RBFOX1: variants seen among roughly 807,000 people sequenced by gnomAD.
RBFOX1 encodes RNA binding protein fox-1 homolog 1.
A neutral mutation model predicts 57.7 loss-of-function variants in RBFOX1; 8 were observed. The ratio of observed to expected loss-of-function variants is 0.14; its 90% confidence interval spans 0.08 to 0.25. The LOEUF is 0.25. Ranked by LOEUF, RBFOX1 falls within the 10% of genes least tolerant of loss-of-function variation. RBFOX1 has a pLI of 1.00. For missense variants in RBFOX1, 611 were observed against 548.5 expected (o/e 1.11, Z -1.14); for synonymous variants, 326 against 222.4 (o/e 1.47, Z -4.15).
chr16:5,506,327 A>C (rs1344504818), intron 2 of RBFOX1, among the ~76,000 whole-genome samples: 1 of 152,174 alleles, frequency 6.6e-6, no homozygotes, highest in East Asian at 1.9e-4. Context: ...TAAGTCGCGG[A>C]TAGCTCCTCA....
At chr16:6,671,568 G>A (rs538727606) in intron 3 of RBFOX1, among the ~76,000 whole-genome samples, 1 of 152,278 alleles carries the variant, frequency 6.6e-6, no homozygotes, top group Admixed American at 6.5e-5. Context: ...CTGCATCTCA[G>A]ATTCCTCTTC....
chr16:5,484,864 C>G (rs1017505380), intron 2 of RBFOX1, among the ~76,000 whole-genome samples: 2 of 151,314 alleles, frequency 1.3e-5, no homozygotes, highest in African/African-American at 4.9e-5. Flanking sequence ...TCACTGCACT[C>G]CAGCCTGGGT....
intron 4 of RBFOX1, among the ~76,000 whole-genome samples, chr16:5,973,908 A>G (rs1445172875): frequency 1.3e-5 from 2 of 152,208 alleles, no homozygotes; most frequent in African/African-American, 4.8e-5. Flanking sequence ...CAGAAAATGC[A>G]TATTGAATGG....
chr16:5,861,786 T>C (rs1483052931), intron 3 of RBFOX1, among the ~76,000 whole-genome samples: 2 of 152,172 alleles, frequency 1.3e-5, no homozygotes, highest in Admixed American at 1.3e-4. Flanking sequence ...CAAAGGATGT[T>C]GTTGCCCTTT....
intron 11 of RBFOX1, among the ~76,000 whole-genome samples, chr16:7,632,169 A>T (rs1294029773): frequency 1.3e-5 from 2 of 152,194 alleles, no homozygotes; most frequent in Non-Finnish European, 1.5e-5. Flanking sequence ...TCAGCCTCCC[A>T]AAGTACTGGA....
intron 2 of RBFOX1, among the ~76,000 whole-genome samples, chr16:5,583,876 C>A (rs2046751686): frequency 6.6e-6 from 1 of 152,186 alleles, no homozygotes; most frequent in African/African-American, 2.4e-5. Context: ...GTCTAGAGCC[C>A]ATGGCCTGAA....
At chr16:6,477,011 G>A (rs1022074622) in intron 2 of RBFOX1, among the ~76,000 whole-genome samples, 3 of 152,062 alleles carry the variant, frequency 2.0e-5, no homozygotes, top group African/African-American at 7.2e-5. Flanking sequence ...GTTTTATCAC[G>A]AGATTGCAGC....
At chr16:7,126,196 C>G (rs986662238) in intron 4 of RBFOX1, 2 of 160,982 alleles carry the variant, frequency 1.2e-5, no homozygotes, top group African/African-American at 4.8e-5. Context: ...CCCACCCTGT[C>G]TGGCACAGAT....
At chr16:7,567,151 C>G (rs1188825365) in intron 5 of RBFOX1, among the ~76,000 whole-genome samples, 1 of 61,146 alleles carries the variant, frequency 1.6e-5, no homozygotes, top group African/African-American at 4.5e-5. Context: ...ATATATATCC[C>G]TATATATATA....
chr16:7,446,519 G>T (rs1021281828), intron 4 of RBFOX1, among the ~76,000 whole-genome samples: 7 of 152,164 alleles, frequency 4.6e-5, no homozygotes, highest in African/African-American at 7.2e-5. Context: ...AAGCAAGAAG[G>T]TTGGGAAGAT....
At chr16:6,033,420 A>G (rs1039579381) in intron 1 of RBFOX1, among the ~76,000 whole-genome samples, 1 of 152,234 alleles carries the variant, frequency 6.6e-6, no homozygotes, top group African/African-American at 2.4e-5. Context: ...TTTATTAGAG[A>G]CAACTATTTT....
At chr16:6,886,860 T>C (rs76770351) in intron 3 of RBFOX1, among the ~76,000 whole-genome samples, 1,601 of 151,824 alleles carry the variant, frequency 0.011, 28 homozygotes, top group African/African-American at 0.036. Context: ...ATGGCAAAAA[T>C]AAAAGAGATG....
In RBFOX1 at chr16:6,490,209, A is replaced by T. The variant is rs191798106; in HGVS notation, c.-63-164394A>T. ...AAACAATTTAAGTATATTTTTAAAT[A>T]GAAATGCCAATTTGACACATTTTAT... On this transcript the variant is annotated intron_variant, in intron 2 of 15. Coordinates refer to ENST00000550418, the MANE Select transcript of RBFOX1 (RefSeq NM_018723.4). 2.1e-3 allele frequency among the ~76,000 whole-genome samples: 325 copies of T among 152,364 alleles called. 1 individual carries two copies. Among genetic ancestry groups the T allele is most frequent in the Non-Finnish European group, 3.7e-3 (253 of 68,040 alleles).
intron 4 of RBFOX1, among the ~76,000 whole-genome samples, chr16:7,458,189 A>G (rs532419520): frequency 6.6e-6 from 1 of 152,148 alleles, no homozygotes; most frequent in African/African-American, 2.4e-5. Flanking sequence ...AGCCATATGC[A>G]TTACAAAGAC....
chr16:6,918,526 T>A (rs544003941), intron 3 of RBFOX1, among the ~76,000 whole-genome samples: 4 of 152,172 alleles, frequency 2.6e-5, no homozygotes, highest in Admixed American at 6.5e-5. Context: ...TTCATAACTT[T>A]CATGTTGCAA....
chr16:6,565,306 G>C (rs1329599213), intron 2 of RBFOX1, among the ~76,000 whole-genome samples: 1 of 151,678 alleles, frequency 6.6e-6, no homozygotes. Context: ...GCCCAGGCTG[G>C]AGCTCAGTGG....
intron 3 of RBFOX1, among the ~76,000 whole-genome samples, chr16:6,722,291 C>G (rs2066164520): frequency 6.6e-6 from 1 of 151,526 alleles, no homozygotes; most frequent in Admixed American, 6.6e-5. Flanking sequence ...TCCACTTCTC[C>G]ACAGCCTCGC....
At chr16:6,747,237 C>T (rs2073891969) in intron 3 of RBFOX1, among the ~76,000 whole-genome samples, 2 of 152,004 alleles carry the variant, frequency 1.3e-5, no homozygotes, top group African/African-American at 2.4e-5. Flanking sequence ...GTGAAAACCC[C>T]GTCTCTACTA....
At chr16:7,444,036 C>T (rs978748163) in intron 4 of RBFOX1, among the ~76,000 whole-genome samples, 2 of 152,118 alleles carry the variant, frequency 1.3e-5, no homozygotes, top group Non-Finnish European at 2.9e-5. Flanking sequence ...CTGTGGTTGC[C>T]TCAAGTTAGA....
Sources: gnomAD v4.1 joint callset for allele counts (sites outside exome capture counted in the v4.1 genomes callset) on GRCh38, gnomAD v4.1.1 for gene constraint, MANE v1.5 for transcripts, NCBI Gene and HGNC (gene_info 2026-07-23, HGNC 2026-07-21) for gene names.